The following PPP4R4 variants were observed in gnomAD, a reference collection of about 807,000 sequenced individuals.
PPP4R4 encodes protein phosphatase 4 regulatory subunit 4.
In PPP4R4, 70 loss-of-function variants were observed where a neutral mutation model predicts 121.8. The ratio of observed to expected loss-of-function variants is 0.57; its 90% CI spans 0.47 to 0.70. The LOEUF is 0.70. Among genes scored for constraint, PPP4R4 ranks in the 30% least tolerant of loss-of-function variants. The probability of loss-of-function intolerance (pLI) is 0.00; values close to 1 mark genes in which losing one functional copy is unlikely to be tolerated. For synonymous variants in PPP4R4, 348 were observed against 355.7 expected (o/e 0.98, Z 0.24); for missense variants, 875 against 1,033.6 (o/e 0.85, Z 2.10).
At position 94,261,369 on chromosome 14, in the gene PPP4R4, T is replaced by C. The variant is rs368731770; in HGVS notation, c.2127+2000T>C. Among the ~76,000 whole-genome samples the C allele has an allele frequency of 7.2e-5, 11 of 152,228 alleles. No individual in the cohort carries two copies. In the South Asian group the frequency reaches 1.4e-3, roughly 20 times the overall value. ...TACATTTTTTTATTTCACTTTCCAGTTTTTTGTTGCTGGAGTATAAGAATA... is the reference window on the plus strand; with the variant it reads ...TACATTTTTTTATTTCACTTTCCAGCTTTTTGTTGCTGGAGTATAAGAATA... On this transcript the variant is annotated intron_variant, in intron 19 of 24. Transcript: ENST00000304338.
At chr14:94,241,744 G>A in intron 9 of PPP4R4, 44 bp from the exon 10 acceptor site, 1 of 1,416,620 alleles carries the variant, frequency 7.1e-7, no homozygotes. Flanking sequence ...TTTAAATTTT[G>A]TTTTCAATTG....
intron 3 of PPP4R4, among the ~76,000 whole-genome samples, chr14:94,226,046 G>A (rs1450078295): frequency 1.3e-5 from 2 of 152,124 alleles, no homozygotes; most frequent in African/African-American, 2.4e-5. Context: ...TCTTTGAAAA[G>A]CACATCCTTT....
At chr14:94,187,458 A>G (rs897273754) in intron 2 of PPP4R4, among the ~76,000 whole-genome samples, 18 of 152,174 alleles carry the variant, frequency 1.2e-4, no homozygotes, top group Non-Finnish European at 2.4e-4. Context: ...AATTTTCACA[A>G]ACATTGCAAA....
In PPP4R4 at chr14:94,264,947, C is replaced by T. The variant is rs140391785; in HGVS notation, c.2197C>T (p.Arg733Cys). 3,207 of 1,584,920 alleles carry T rather than the reference C, an allele frequency of 2.0e-3. 10 individuals carry two copies. The highest frequency in any genetic ancestry group is 0.013 in the Middle Eastern group (76 of 5,990). The change falls in exon 20 of 25, where the codon CGT (arginine) becomes TGT (cysteine). Residue 733 changes from arginine to cysteine, a missense_variant and splice_region_variant. Coordinates refer to ENST00000304338, the MANE Select transcript of PPP4R4 (RefSeq NM_058237.2). Reference protein sequence around the residue: ...PMSDKMFEKKRRDTKTPTQSL... With the variant: ...PMSDKMFEKKCRDTKTPTQSL... Reference sequence around the variant, plus strand: ...GAGTGATAAAATGTTTGAAAAGAAACGTAAGTAGTTTTTCTATGTCTTCAA... The same window carrying T: ...GAGTGATAAAATGTTTGAAAAGAAATGTAAGTAGTTTTTCTATGTCTTCAA...
chr14:94,265,541 T>A, intron 21 of PPP4R4, 68 bp downstream of exon 21: 1 of 1,355,172 alleles, frequency 7.4e-7, no homozygotes, highest in Non-Finnish European at 1.1e-6. Flanking sequence ...GCTGGGAAAG[T>A]CACTCTATTA....
chr14:94,266,864 C>T, intron 22 of PPP4R4, 95 bp from the exon 23 acceptor site: 1 of 781,484 alleles, frequency 1.3e-6, no homozygotes, highest in African/African-American at 1.8e-5. Context: ...TAGAGGAAAG[C>T]ATTAAAAAGA....
chr14:94,233,616 A>C (rs1199508555), intron 5 of PPP4R4, 37 bp from the exon 6 acceptor site: 1 of 1,397,502 alleles, frequency 7.2e-7, no homozygotes, highest in South Asian at 1.2e-5. Context: ...GAATGTATAA[A>C]ATTTTGTGAA....
chr14:94,219,429 A>G (rs985904777), intron 3 of PPP4R4, among the ~76,000 whole-genome samples: 1 of 152,198 alleles, frequency 6.6e-6, no homozygotes, highest in East Asian at 1.9e-4. Context: ...ACATGAATAA[A>G]TGAGCACTGG....
rs765394808 is a variant in PPP4R4, at chr14:94,250,293, C to T, written c.1717+16C>T. 7 of 1,537,732 alleles carry T rather than the reference C, an allele frequency of 4.6e-6. No homozygotes were observed. In the Admixed American group the frequency reaches 1.0e-4, roughly 22 times the overall value. On this transcript the variant is annotated intron_variant, in intron 15 of 24. Coordinates refer to ENST00000304338, the MANE Select transcript of PPP4R4 (RefSeq NM_058237.2). Reference sequence around the variant, plus strand: ...TTAATTGAACGTAAGTAATCATTGTCTACTATTTTGAAAAAGGAAAGTAAA... The same window carrying T: ...TTAATTGAACGTAAGTAATCATTGTTTACTATTTTGAAAAAGGAAAGTAAA...
chr14:94,178,812 C>T (rs1001800056), intron 2 of PPP4R4, among the ~76,000 whole-genome samples: 4 of 152,132 alleles, frequency 2.6e-5, no homozygotes, highest in Admixed American at 2.6e-4. Context: ...TATCTTTTTC[C>T]TGTTTTTTCT....
chr14:94,243,363 A>G (rs1259861434), intron 11 of PPP4R4, among the ~76,000 whole-genome samples: 1 of 152,128 alleles, frequency 6.6e-6, no homozygotes, highest in Non-Finnish European at 1.5e-5. Flanking sequence ...GGGATAGGGC[A>G]GAAAGCACTG....
chr14:94,190,872 C>CT (rs11414150), intron 2 of PPP4R4, among the ~76,000 whole-genome samples: 43,866 of 145,436 alleles, frequency 0.3, 7,306 homozygotes, highest in African/African-American at 0.45. Flanking sequence ...TGATTTCCAA[C>CT]TTTTTTTTTT....
At chr14:94,205,883 A>G (rs1890427714) in intron 2 of PPP4R4, among the ~76,000 whole-genome samples, 1 of 151,810 alleles carries the variant, frequency 6.6e-6, no homozygotes, top group Non-Finnish European at 1.5e-5. Context: ...AAATTTGTTG[A>G]GGTTTGTTTT....
intron 22 of PPP4R4, among the ~76,000 whole-genome samples, chr14:94,266,338 CT>C (rs1894052723): frequency 6.6e-6 from 1 of 152,032 alleles, no homozygotes; most frequent in Admixed American, 6.6e-5. Flanking sequence ...AGATGAATGT[CT>C]GGTTTCCCCT....
chr14:94,267,203 A>G (rs1248638686), intron 23 of PPP4R4, among the ~76,000 whole-genome samples, 174 bp downstream of exon 23: 1 of 152,156 alleles, frequency 6.6e-6, no homozygotes, highest in Non-Finnish European at 1.5e-5. Flanking sequence ...TGACTAAACT[A>G]TTTTGTCTTC....
At chr14:94,204,253 G>C (rs1301603030) in intron 2 of PPP4R4, among the ~76,000 whole-genome samples, 1 of 151,900 alleles carries the variant, frequency 6.6e-6, no homozygotes, top group Non-Finnish European at 1.5e-5. Context: ...TTAGTGTGAG[G>C]CATAGGTCAT....
chr14:94,261,803 T>C (rs1445891152), intron 19 of PPP4R4, among the ~76,000 whole-genome samples: 1 of 152,076 alleles, frequency 6.6e-6, no homozygotes, highest in Non-Finnish European at 1.5e-5. Flanking sequence ...CTAGAAATGA[T>C]ATTTGATTTT....
At chr14:94,242,084 T>C in intron 10 of PPP4R4, 127 bp downstream of exon 10, 4 of 1,140,240 alleles carry the variant, frequency 3.5e-6, no homozygotes, top group Non-Finnish European at 5.0e-6. Flanking sequence ...ATACATAGTA[T>C]GTGCAGAGTA....
At chr14:94,257,642 T>TACACAC (rs57997995) in intron 17 of PPP4R4, among the ~76,000 whole-genome samples, 7,809 of 146,898 alleles carry the variant, frequency 0.053, 335 homozygotes, top group African/African-American at 0.11. Flanking sequence ...CATTTAAATC[T>TACACAC]ACACACACAC....
Sources: allele counts gnomAD v4.1 joint callset (sites outside exome capture counted in the v4.1 genomes callset), GRCh38; gene constraint gnomAD v4.1.1; transcripts MANE v1.5; gene names NCBI Gene and HGNC (gene_info 2026-07-23, HGNC 2026-07-21).